Variants in CERS6 observed in about 807,000 individuals in gnomAD.
CERS6 encodes the protein LAG1 homolog, ceramide synthase 6.
CERS6 carries 26 observed loss-of-function variants against 56.8 expected under a neutral mutation model. The observed-to-expected ratio is 0.46, with a 90% CI of 0.34 to 0.63. The LOEUF (loss-of-function observed/expected upper bound fraction) is 0.63. CERS6 is among the 30% of genes least tolerant of loss of function. The pLI is 0.01. For missense variants in CERS6, 415 were observed against 467.5 expected, an observed-to-expected ratio of 0.89 and a Z score of 1.04; for synonymous variants, 164 against 173.3, an observed-to-expected ratio of 0.95 and a Z score of 0.42.
At chr2:168,571,783 CAT>C (rs1165966232) in intron 3 of CERS6, among the ~76,000 whole-genome samples, 1 of 148,226 alleles carries the variant, frequency 6.7e-6, no homozygotes, top group East Asian at 1.9e-4. Flanking sequence ...ATGGGGTATC[CAT>C]CACCTCAAGC....
At chr2:168,561,634 G>A (rs1695791984) in intron 3 of CERS6, among the ~76,000 whole-genome samples, 1 of 152,108 alleles carries the variant, frequency 6.6e-6, no homozygotes, top group Admixed American at 6.5e-5. Context: ...TATAGATGTG[G>A]GTAGTTTGAA....
intron 1 of CERS6, among the ~76,000 whole-genome samples, chr2:168,512,171 G>T (rs547521704): frequency 1.3e-5 from 2 of 152,342 alleles, no homozygotes; most frequent in African/African-American, 4.8e-5. Flanking sequence ...GGTGCCAGGA[G>T]CTAGGAGGAG....
At chr2:168,630,633 A>G (rs1324365925) in intron 3 of CERS6, among the ~76,000 whole-genome samples, 3 of 152,166 alleles carry the variant, frequency 2.0e-5, no homozygotes, top group Non-Finnish European at 4.4e-5. Context: ...GTTTTGAATT[A>G]TTTGTCTGAT....
intron 7 of CERS6, among the ~76,000 whole-genome samples, chr2:168,717,337 C>A (rs1206348175): frequency 1.3e-5 from 2 of 151,986 alleles, no homozygotes; most frequent in Non-Finnish European, 2.9e-5. Context: ...AAGAGCATCT[C>A]CCCAGAGTAC....
At chr2:168,727,547 C>CA (rs1210219437) in intron 8 of CERS6, among the ~76,000 whole-genome samples, 682 of 87,416 alleles carry the variant, frequency 7.8e-3, no homozygotes, top group East Asian at 0.035. Flanking sequence ...GACTCCATCT[C>CA]AAAAAAAAAA....
At chr2:168,515,677 G>A (rs1457630393) in intron 1 of CERS6, among the ~76,000 whole-genome samples, 4 of 152,336 alleles carry the variant, frequency 2.6e-5, no homozygotes, top group Admixed American at 1.3e-4. Context: ...AGCATTACTA[G>A]CAACAGAAGG....
At chr2:168,567,705 G>A (rs1023495402) in intron 3 of CERS6, among the ~76,000 whole-genome samples, 11 of 152,150 alleles carry the variant, frequency 7.2e-5, no homozygotes, top group African/African-American at 1.2e-4. Context: ...AGAGAATATC[G>A]TCTCCTAGTG....
At chr2:168,563,258 ATCTCT>A (rs925320053) in intron 3 of CERS6, among the ~76,000 whole-genome samples, 3 of 152,206 alleles carry the variant, frequency 2.0e-5, no homozygotes, top group African/African-American at 7.2e-5. Context: ...AGCAGTGTCT[ATCTCT>A]TCTCCATGAA....
intron 2 of CERS6, among the ~76,000 whole-genome samples, chr2:168,553,956 G>A (rs548828029): frequency 6.6e-5 from 10 of 152,206 alleles, no homozygotes; most frequent in East Asian, 3.9e-4. Flanking sequence ...ACAAGTATAC[G>A]CATATTTAAT....
At chr2:168,670,880 A>T (rs58979144) in intron 4 of CERS6, among the ~76,000 whole-genome samples, 473 of 140,650 alleles carry the variant, frequency 3.4e-3, no homozygotes, top group African/African-American at 0.011. Flanking sequence ...GAGAGCAATG[A>T]TTTTCTGTCT....
At chr2:168,464,174 T>TGTGTGTGTGTGTG (rs1573999569) in intron 1 of CERS6, among the ~76,000 whole-genome samples, 18 of 139,792 alleles carry the variant, frequency 1.3e-4, no homozygotes, top group East Asian at 1.3e-3. Context: ...TTTATACTTT[T>TGTGTGTGTGTGTG]TGTGTGTGTG....
chr2:168,708,087 G>C (rs1687003178), intron 6 of CERS6, among the ~76,000 whole-genome samples: 1 of 152,022 alleles, frequency 6.6e-6, no homozygotes. Context: ...TATTCATCCT[G>C]ATCATCAGGA....
intron 6 of CERS6, among the ~76,000 whole-genome samples, chr2:168,707,593 C>T (rs569268827): frequency 3.9e-5 from 6 of 152,122 alleles, no homozygotes; most frequent in Non-Finnish European, 8.8e-5. Context: ...TTAACCAGCT[C>T]TCTTATAGTG....
intron 8 of CERS6, among the ~76,000 whole-genome samples, chr2:168,731,739 T>C (rs1395799568): frequency 6.6e-6 from 1 of 151,372 alleles, no homozygotes; most frequent in Non-Finnish European, 1.5e-5. Context: ...CAGCCACCCT[T>C]GGGGATTTCT....
chr2:168,749,501 G>A (rs1466772693), intron 8 of CERS6, among the ~76,000 whole-genome samples: 3 of 152,114 alleles, frequency 2.0e-5, no homozygotes, highest in South Asian at 2.1e-4. Context: ...CTTATTCAAC[G>A]CACCTAAAAC....
rs749212935 is a variant in CERS6 at position 168,456,644 on chromosome 2, C to T, written c.170+26C>T. 8.1e-6 allele frequency: 13 copies of T among 1,607,154 alleles called. No homozygotes were observed. Among genetic ancestry groups the T allele is most frequent in the Admixed American group, 3.4e-5 (2 of 59,376 alleles). ...GTAAGAAGGGCTGAAGCCCCTCCTC[C>T]CCTCCCCCTGCGCACACACACGCGC... On this transcript the variant is annotated intron_variant, in intron 1 of 9. Coordinates refer to ENST00000305747, the MANE Select transcript of CERS6 (RefSeq NM_203463.3). This position sits in a 1 kb window ranked among gnomAD's most constrained non-coding sequence, Gnocchi z 4.1.
chr2:168,743,159 T>C (rs1203983265), intron 8 of CERS6, among the ~76,000 whole-genome samples: 2 of 151,798 alleles, frequency 1.3e-5, no homozygotes, highest in Non-Finnish European at 2.9e-5. Context: ...TATATATATA[T>C]ATATGTATGT....
intron 3 of CERS6, among the ~76,000 whole-genome samples, chr2:168,623,118 T>C (rs1684511819): frequency 6.6e-6 from 1 of 152,142 alleles, no homozygotes; most frequent in Admixed American, 6.5e-5. Context: ...GACCTAAAAA[T>C]CATGTGACAA....
intron 8 of CERS6, among the ~76,000 whole-genome samples, chr2:168,722,712 C>T (rs913524365): frequency 7.2e-5 from 11 of 152,194 alleles, no homozygotes; most frequent in Non-Finnish European, 1.6e-4. Context: ...TGCCTGGGAA[C>T]TCTTCATCCT....
Sources: allele counts gnomAD v4.1 joint callset (sites outside exome capture counted in the v4.1 genomes callset), GRCh38; gene constraint gnomAD v4.1.1; non-coding constraint Gnocchi (gnomAD v3.1); transcripts MANE v1.5; gene names NCBI Gene and HGNC (gene_info 2026-07-23, HGNC 2026-07-21).